Variants in GPC5 observed in about 807,000 individuals in gnomAD.
The protein encoded by GPC5 is glypican 5.
In GPC5, 47 loss-of-function variants were observed where a neutral mutation model predicts 53.9. The observed-to-expected ratio is 0.87, with a 90% CI of 0.69 to 1.11. The LOEUF (loss-of-function observed/expected upper bound fraction) is 1.11, where lower values mean the gene tolerates loss of function less well. GPC5 is among the 50% of genes most tolerant of loss of function. The pLI is 0.00. For missense variants in GPC5, 748 were observed against 713.1 expected, an observed-to-expected ratio of 1.05 and a Z score of -0.56; for synonymous variants, 286 against 263.3, an observed-to-expected ratio of 1.09 and a Z score of -0.84.
At chr13:92,343,190 T>G (rs1366880903) in intron 7 of GPC5, among the ~76,000 whole-genome samples, 3 of 152,274 alleles carry the variant, frequency 2.0e-5, no homozygotes, top group South Asian at 2.1e-4. Context: ...AAGCACTGGG[T>G]GTTGCCACAC....
intron 2 of GPC5, among the ~76,000 whole-genome samples, chr13:91,592,414 G>A (rs1416523647): frequency 1.3e-5 from 2 of 152,280 alleles, no homozygotes; most frequent in Middle Eastern, 3.4e-3. Flanking sequence ...CTGGCACTGT[G>A]CCTGCATTTC....
At chr13:92,573,289 T>C (rs1883089773) in intron 7 of GPC5, among the ~76,000 whole-genome samples, 2 of 152,346 alleles carry the variant, frequency 1.3e-5, no homozygotes, top group South Asian at 4.1e-4. Flanking sequence ...AGTGAGCATT[T>C]AATAGGTTCA....
chr13:92,849,469 T>C (rs190116229), intron 7 of GPC5, among the ~76,000 whole-genome samples: 3 of 152,330 alleles, frequency 2.0e-5, no homozygotes, highest in African/African-American at 7.2e-5. Context: ...CTTAGATATT[T>C]TGACAATTTT....
At chr13:92,448,067 A>G (rs1347872326) in intron 7 of GPC5, 1 of 152,138 alleles carries the variant, frequency 6.6e-6, no homozygotes, top group Non-Finnish European at 1.5e-5. Context: ...AAGAAAATGC[A>G]GCTTTACTTA....
At chr13:92,031,560 CTTTTT>C (rs1055442643) in intron 6 of GPC5, among the ~76,000 whole-genome samples, 1 of 148,500 alleles carries the variant, frequency 6.7e-6, no homozygotes, top group African/African-American at 2.5e-5. Context: ...TTCTTTCTTT[CTTTTT>C]TTATTATGGC....
rs548693177 is a variant in GPC5 at position 91,865,918 on chromosome 13, A to G, written c.1281-42019A>G. Among the ~76,000 whole-genome samples the G allele has an allele frequency of 2.0e-5, 3 of 152,306 alleles. No individual in the cohort carries two copies. In the East Asian group the frequency reaches 5.8e-4, roughly 29 times the overall value. On this transcript the variant is annotated intron_variant, in intron 5 of 7. Transcript: ENST00000377067. ...GTTTCACTCTTGTGGCCCAGGCTTG[A>G]GTGCAATAGCACGATCTCTGCTCGC...
At chr13:91,479,651 G>A (rs1484430736) in intron 2 of GPC5, among the ~76,000 whole-genome samples, 1 of 151,952 alleles carries the variant, frequency 6.6e-6, no homozygotes, top group Non-Finnish European at 1.5e-5. Context: ...TTGGCTTCTT[G>A]GTAGGAAATT....
At chr13:92,403,080 C>A (rs1875631514) in intron 7 of GPC5, among the ~76,000 whole-genome samples, 1 of 152,122 alleles carries the variant, frequency 6.6e-6, no homozygotes, top group South Asian at 2.1e-4. Context: ...TTTTCTATTT[C>A]AATGTAGAAG....
chr13:92,680,064 T>A (rs1186177591), intron 7 of GPC5, among the ~76,000 whole-genome samples: 2 of 152,178 alleles, frequency 1.3e-5, no homozygotes, highest in African/African-American at 2.4e-5. Flanking sequence ...TAGAATGGAA[T>A]ATTGTAACCT....
intron 6 of GPC5, among the ~76,000 whole-genome samples, chr13:91,947,287 A>AT (rs1384655033): frequency 6.6e-6 from 1 of 152,170 alleles, no homozygotes; most frequent in Non-Finnish European, 1.5e-5. Context: ...TGTAAAAAAA[A>AT]ATATAAAGAA....
chr13:91,899,224 T>G (rs968610301), intron 5 of GPC5, among the ~76,000 whole-genome samples: 2 of 152,108 alleles, frequency 1.3e-5, no homozygotes, highest in African/African-American at 4.8e-5. Flanking sequence ...TGTGTGAACT[T>G]AGAACACAGA....
At chr13:92,161,726 A>G (rs2041989331) in intron 7 of GPC5, among the ~76,000 whole-genome samples, 1 of 151,712 alleles carries the variant, frequency 6.6e-6, no homozygotes, top group Non-Finnish European at 1.5e-5. Flanking sequence ...GTAATTATTA[A>G]GTGCTAATTG....
chr13:91,543,283 G>C (rs541575286), intron 2 of GPC5, among the ~76,000 whole-genome samples: 16 of 152,024 alleles, frequency 1.1e-4, no homozygotes, highest in East Asian at 9.7e-4. Flanking sequence ...GTGAGCCACC[G>C]CTCCGGCCCC....
At chr13:92,398,655 C>A (rs1875409163) in intron 7 of GPC5, among the ~76,000 whole-genome samples, 1 of 152,220 alleles carries the variant, frequency 6.6e-6, no homozygotes, top group African/African-American at 2.4e-5. Flanking sequence ...AGTTAAATCT[C>A]AATAGATTCT....
At chr13:92,453,098 T>C (rs576114447) in intron 7 of GPC5, among the ~76,000 whole-genome samples, 1 of 152,306 alleles carries the variant, frequency 6.6e-6, no homozygotes, top group African/African-American at 2.4e-5. Context: ...CAAATCCATA[T>C]GAATGTGATT....
chr13:91,651,657 G>T (rs1398478443), intron 2 of GPC5, among the ~76,000 whole-genome samples: 1 of 150,696 alleles, frequency 6.6e-6, no homozygotes, highest in Non-Finnish European at 1.5e-5. Flanking sequence ...GGCGGAGGTT[G>T]CAGTGAGCCA....
intron 7 of GPC5, among the ~76,000 whole-genome samples, chr13:92,512,776 A>G (rs992907942): frequency 6.6e-6 from 1 of 152,202 alleles, no homozygotes; most frequent in African/African-American, 2.4e-5. Flanking sequence ...TTTATGCTCA[A>G]TTAACATTCT....
rs148193160 is a variant in GPC5, at chr13:92,293,679, G to A, written c.1561+148690G>A. Among the ~76,000 whole-genome samples, 119 of 152,000 alleles carry A rather than the reference G, an allele frequency of 7.8e-4. 1 individual carries two copies. The East Asian group carries it at 0.017, about 22-fold the overall frequency. On this transcript the variant is annotated intron_variant, in intron 7 of 7. Coordinates refer to ENST00000377067, the MANE Select transcript of GPC5 (RefSeq NM_004466.6). The stretch of plus-strand genomic sequence containing the variant: ...ACTTCCTCATTACCAATTTGGATGC[G>A]CTGTATTTCTTTCTCTTGTCTGCTC...
At chr13:91,869,750 G>A (rs926244507) in intron 5 of GPC5, among the ~76,000 whole-genome samples, 2 of 152,182 alleles carry the variant, frequency 1.3e-5, no homozygotes, top group African/African-American at 4.8e-5. Context: ...GGCTGTACAG[G>A]AGGGATGGCT....
Sources: gnomAD v4.1 joint callset for allele counts (sites outside exome capture counted in the v4.1 genomes callset) on GRCh38, gnomAD v4.1.1 for gene constraint, MANE v1.5 for transcripts, NCBI Gene and HGNC (gene_info 2026-07-23, HGNC 2026-07-21) for gene names.